The following RAD51B variants were observed in gnomAD, a reference collection of about 807,000 sequenced individuals.
RAD51B encodes the protein DNA repair protein RAD51 homolog 2.
In RAD51B, 38 loss-of-function variants were observed where a neutral mutation model predicts 42.2. The observed-to-expected ratio is 0.90, with a 90% CI of 0.70 to 1.18. The LOEUF is 1.18. RAD51B is among the 50% of genes most tolerant of loss of function. The pLI is 0.00. For synonymous variants in RAD51B, 154 were observed against 145.2 expected (o/e 1.06, Z -0.43); for missense variants, 373 against 400.7 (o/e 0.93, Z 0.59).
At chr14:67,951,684 T>A (rs183182073) in intron 7 of RAD51B, among the ~76,000 whole-genome samples, 110 of 152,328 alleles carry the variant, frequency 7.2e-4, no homozygotes, top group Non-Finnish European at 1.2e-3. Flanking sequence ...AATTGTACTT[T>A]AACCATACCA....
At chr14:68,384,016 T>C (rs2083537883) in intron 8 of RAD51B, among the ~76,000 whole-genome samples, 1 of 152,188 alleles carries the variant, frequency 6.6e-6, no homozygotes, top group Admixed American at 6.5e-5. Context: ...TGGGTGCAAG[T>C]GGGAGTACAC....
intron 7 of RAD51B, among the ~76,000 whole-genome samples, chr14:67,989,858 C>G (rs2075264236): frequency 1.3e-5 from 2 of 152,090 alleles, no homozygotes; most frequent in South Asian, 4.1e-4. Flanking sequence ...CTGGATTTTT[C>G]CCAATTTAGG....
chr14:68,473,237 G>A (rs1882237382), intron 10 of RAD51B, among the ~76,000 whole-genome samples: 1 of 152,230 alleles, frequency 6.6e-6, no homozygotes, highest in Non-Finnish European at 1.5e-5. Flanking sequence ...CCTGGGCAAA[G>A]AGCCCTGGAA....
chr14:68,664,777 T>A (rs1892999577), intron 11 of RAD51B, among the ~76,000 whole-genome samples: 1 of 152,212 alleles, frequency 6.6e-6, no homozygotes, highest in Non-Finnish European at 1.5e-5. Context: ...TGTCCACTCA[T>A]CCTCTGGGCC....
At chr14:67,943,032 G>C (rs1483403893) in intron 7 of RAD51B, among the ~76,000 whole-genome samples, 6 of 151,954 alleles carry the variant, frequency 3.9e-5, no homozygotes, top group African/African-American at 1.4e-4. Context: ...TTAAAGCCAA[G>C]TGTGATAAAT....
intron 8 of RAD51B, among the ~76,000 whole-genome samples, chr14:68,293,540 T>C (rs1272164970): frequency 6.6e-6 from 1 of 152,170 alleles, no homozygotes; most frequent in African/African-American, 2.4e-5. Flanking sequence ...GAAGCTCCTA[T>C]GCCAAGTGTG....
intron 10 of RAD51B, among the ~76,000 whole-genome samples, chr14:68,572,466 GC>G (rs1459928176): frequency 1.8e-4 from 28 of 152,256 alleles, no homozygotes; most frequent in African/African-American, 6.0e-4. Context: ...GCCCTGAGCT[GC>G]CCCTTGCAGC....
At chr14:68,595,380 G>T (rs1890948753) in exon 11 of RAD51B, 1 of 1,066,440 alleles carries the variant, frequency 9.4e-7, no homozygotes, top group South Asian at 4.5e-5. Context: ...AGCCTGTTTT[G>T]TCTGAAATAA....
chr14:68,094,300 C>T (rs746222178), intron 7 of RAD51B, among the ~76,000 whole-genome samples: 1 of 152,134 alleles, frequency 6.6e-6, no homozygotes, highest in Non-Finnish European at 1.5e-5. Flanking sequence ...TACATTCAGG[C>T]CTTGATTCAT....
chr14:68,110,272 A>G (rs765527427), intron 7 of RAD51B, among the ~76,000 whole-genome samples: 4 of 151,958 alleles, frequency 2.6e-5, no homozygotes, highest in Admixed American at 6.6e-5. Context: ...GGTACAGTGA[A>G]CATAAGAGGG....
intron 7 of RAD51B, among the ~76,000 whole-genome samples, chr14:68,067,129 G>A (rs548053145): frequency 6.6e-6 from 1 of 152,212 alleles, no homozygotes; most frequent in East Asian, 1.9e-4. Context: ...TGGGAAAAAA[G>A]TAAAAACATT....
At chr14:68,420,260 C>G (rs1027294695) in intron 9 of RAD51B, among the ~76,000 whole-genome samples, 2 of 152,132 alleles carry the variant, frequency 1.3e-5, no homozygotes, top group African/African-American at 4.8e-5. Flanking sequence ...ATCCAGACCC[C>G]AAGAGAGGGT....
At chr14:68,596,437 A>C (rs1891002847), downstream of RAD51B, among the ~76,000 whole-genome samples, 1 of 152,178 alleles carries the variant, frequency 6.6e-6, no homozygotes, top group Admixed American at 6.5e-5. Flanking sequence ...AGTTTTGAAA[A>C]TGTGACAAAA....
chr14:68,564,891 G>A (rs143440290), intron 10 of RAD51B, among the ~76,000 whole-genome samples: 8 of 152,346 alleles, frequency 5.3e-5, no homozygotes, highest in South Asian at 2.1e-4. Context: ...GTTTGGGACC[G>A]GGGCTGGGAA....
intron 10 of RAD51B, among the ~76,000 whole-genome samples, chr14:68,537,404 C>T (rs1449055844): frequency 1.3e-5 from 2 of 151,230 alleles, no homozygotes; most frequent in African/African-American, 4.9e-5. Flanking sequence ...GAGGCTGAGG[C>T]AGGAGAGTGG....
At chr14:68,302,357 G>C (rs2081759615) in intron 8 of RAD51B, among the ~76,000 whole-genome samples, 1 of 152,218 alleles carries the variant, frequency 6.6e-6, no homozygotes. Context: ...GAACAGATAG[G>C]AGTCCTGGCT....
chr14:68,526,208 T>C (rs534210258), intron 10 of RAD51B, among the ~76,000 whole-genome samples: 57 of 152,328 alleles, frequency 3.7e-4, no homozygotes, highest in Non-Finnish European at 6.5e-4. Context: ...ATTAAATGGG[T>C]CCCAAATCTT....
intron 7 of RAD51B, among the ~76,000 whole-genome samples, chr14:67,993,004 T>C (rs10136129): frequency 0.29 from 43,440 of 152,068 alleles, 8,369 homozygotes; most frequent in African/African-American, 0.55. Context: ...ATATATACTA[T>C]AGTTTCTCTG....
chr14:67,828,904 A>ATAGTTTGG (rs1304559306), intron 3 of RAD51B, among the ~76,000 whole-genome samples: 3 of 152,080 alleles, frequency 2.0e-5, no homozygotes, highest in Non-Finnish European at 4.4e-5. Context: ...GTATAGTTTG[A>ATAGTTTGG]AGTTGGATAG....
Sources: gnomAD v4.1 joint callset for allele counts (sites outside exome capture counted in the v4.1 genomes callset) on GRCh38, gnomAD v4.1.1 for gene constraint, MANE v1.5 for transcripts, NCBI Gene and HGNC (gene_info 2026-07-23, HGNC 2026-07-21) for gene names.